The following ASPH variants were observed in gnomAD, a reference collection of about 807,000 sequenced individuals.
ASPH encodes aspartate beta-hydroxylase, also known as aspartyl/asparaginyl beta-hydroxylase.
In ASPH, 100 loss-of-function variants were observed where a neutral mutation model predicts 118.4. That is an observed-to-expected ratio of 0.84 (90% CI 0.72 to 1.00). The LOEUF is 1.00. ASPH is among the 50% of genes least tolerant of loss of function. The probability of loss-of-function intolerance (pLI) is 0.00; values close to 1 mark genes in which losing one functional copy is unlikely to be tolerated. For missense variants in ASPH, 920 were observed against 919.5 expected (o/e 1.00, Z -0.01); for synonymous variants, 315 against 325.6 (o/e 0.97, Z 0.35).
chr8:61,615,489 G>A (rs1005034212), intron 14 of ASPH, among the ~76,000 whole-genome samples: 14 of 152,124 alleles, frequency 9.2e-5, no homozygotes, highest in African/African-American at 3.4e-4. Flanking sequence ...AGTACAATGA[G>A]AGCTGCAACT....
At chr8:61,596,954 T>G (rs1485602108) in intron 14 of ASPH, among the ~76,000 whole-genome samples, 2 of 151,376 alleles carry the variant, frequency 1.3e-5, no homozygotes, top group Admixed American at 1.3e-4. Flanking sequence ...CTAAAGAAAC[T>G]CAGTGAGATA....
At chr8:61,662,717 G>A in intron 3 of ASPH, 2 of 397,730 alleles carry the variant, frequency 5.0e-6, no homozygotes, top group Non-Finnish European at 6.8e-6. Context: ...AATAAATCAA[G>A]TTCTAGTCTA....
At chr8:61,702,737 C>G (rs1315119326) in intron 1 of ASPH, among the ~76,000 whole-genome samples, 1 of 152,040 alleles carries the variant, frequency 6.6e-6, no homozygotes, top group East Asian at 1.9e-4. Context: ...TTAACTAATC[C>G]AATAATACTG....
In ASPH at chr8:61,625,087, T is replaced by C. The variant is rs1029706831; in HGVS notation, c.935-6068A>G. 1.3e-5 allele frequency: 13 copies of C among 985,660 alleles called. No homozygotes were observed. The African/African-American group carries it at 2.3e-4, about 17-fold the overall frequency. 61.1% of individuals were successfully genotyped at this position (985,660 alleles called of 1,614,324 possible). The stretch of plus-strand genomic sequence containing the variant: ...TAACAAAATCAAGAGCTACCCCTAA[T>C]ATATCGATCAAACCACTTCTTATGG... On this transcript the variant is annotated intron_variant, in intron 13 of 24. Coordinates refer to ENST00000379454, the MANE Select transcript of ASPH (RefSeq NM_004318.4).
chr8:61,681,405 T>C (rs767283838), intron 2 of ASPH, among the ~76,000 whole-genome samples: 1 of 151,810 alleles, frequency 6.6e-6, no homozygotes, highest in Non-Finnish European at 1.5e-5. Flanking sequence ...CCTAAGTCAC[T>C]TGAAATTTAA....
At chr8:61,705,096 T>TGGAGCTGGAGGCC (rs1836260784) in intron 1 of ASPH, among the ~76,000 whole-genome samples, 1 of 152,134 alleles carries the variant, frequency 6.6e-6, no homozygotes, top group Non-Finnish European at 1.5e-5. Flanking sequence ...AACTGTGCTA[T>TGGAGCTGGAGGCC]ACAACACGAA....
intron 5 of ASPH, among the ~76,000 whole-genome samples, chr8:61,647,692 T>A (rs554515696): frequency 8.6e-5 from 13 of 151,580 alleles, no homozygotes; most frequent in Admixed American, 5.2e-4. Context: ...ATAAATAAAT[T>A]AAATTAAATT....
chr8:61,548,204 T>G lies in ASPH; in HGVS notation c.1631A>C (p.Tyr544Ser). 6.2e-7 allele frequency: 1 copy of G among 1,612,910 alleles called. No homozygotes were observed. The highest frequency in any genetic ancestry group is 8.5e-7 in the Non-Finnish European group (1 of 1,179,372). Reference protein sequence around the residue: ...AMQRVGNKEAYKWYELGHKRG... With the variant: ...AMQRVGNKEASKWYELGHKRG... Reference sequence around the variant, plus strand: ...CTTGTGCCCAAGCTCATACCACTTATATGCCTGAAGGAACAGAAAGAATGT... The same window carrying G: ...CTTGTGCCCAAGCTCATACCACTTAGATGCCTGAAGGAACAGAAAGAATGT... The change falls in exon 21 of 25, where the codon TAT becomes TCT. Residue 544 changes from tyrosine to serine, a missense_variant. By Grantham distance (144) the Tyr-to-Ser change is moderately radical (BLOSUM62 -2). Transcript: ENST00000379454.
chr8:61,628,781 C>A (rs1321705709), intron 13 of ASPH, among the ~76,000 whole-genome samples: 1 of 152,146 alleles, frequency 6.6e-6, no homozygotes, highest in African/African-American at 2.4e-5. Flanking sequence ...TTTTACTCCA[C>A]CATGTACCCA....
chr8:61,701,084 A>G (rs1306335089), intron 1 of ASPH, among the ~76,000 whole-genome samples: 1 of 152,150 alleles, frequency 6.6e-6, no homozygotes, highest in East Asian at 1.9e-4. Flanking sequence ...CCCCATCCCC[A>G]GCCTCAGAGG....
At chr8:61,615,386 A>G (rs1010609339) in intron 14 of ASPH, among the ~76,000 whole-genome samples, 2 of 152,114 alleles carry the variant, frequency 1.3e-5, no homozygotes, top group African/African-American at 4.8e-5. Context: ...CCTGTCTTAT[A>G]TTCCTTTTCA....
intron 3 of ASPH, chr8:61,659,765 C>T (rs1002228106): frequency 6.6e-6 from 1 of 152,176 alleles, no homozygotes; most frequent in Non-Finnish European, 1.5e-5. Context: ...TACATATCAC[C>T]CATCCTTTAG....
chr8:61,636,346 T>C (rs11986004), intron 12 of ASPH, among the ~76,000 whole-genome samples: 72,263 of 152,000 alleles, frequency 0.48, 17,503 homozygotes, highest in Middle Eastern at 0.56. Context: ...AGGGAGTCTA[T>C]TAACAGGTCT....
In ASPH at chr8:61,516,399, G is replaced by A. The variant is rs555413083; in HGVS notation, c.2126+1129C>T. On this transcript the variant is annotated intron_variant, in intron 24 of 24. Coordinates refer to ENST00000379454, the MANE Select transcript of ASPH (RefSeq NM_004318.4). Reference sequence around the variant, plus strand: ...TTGCTAGGTGTCCTCAGAAGAGGACGGCCCCTTCTGAGTCATCTCTGAATT... The same window carrying A: ...TTGCTAGGTGTCCTCAGAAGAGGACAGCCCCTTCTGAGTCATCTCTGAATT... Among the ~76,000 whole-genome samples, 35 of 152,210 alleles carry A rather than the reference G, an allele frequency of 2.3e-4. No individual in the cohort carries two copies. The South Asian group carries it at 5.8e-3, about 25-fold the overall frequency.
At chr8:61,613,721 T>G (rs182949339) in intron 14 of ASPH, among the ~76,000 whole-genome samples, 1 of 152,218 alleles carries the variant, frequency 6.6e-6, no homozygotes. Context: ...GTGGAGCGAT[T>G]AGGAAGAGCA....
intron 10 of ASPH, among the ~76,000 whole-genome samples, chr8:61,639,410 T>C (rs150307340): frequency 3.6e-3 from 541 of 152,280 alleles, no homozygotes; most frequent in African/African-American, 0.012. Context: ...TCATTTGATA[T>C]GATGGACACT....
intron 17 of ASPH, among the ~76,000 whole-genome samples, chr8:61,564,119 A>G (rs890178464): frequency 1.3e-5 from 2 of 152,186 alleles, no homozygotes; most frequent in Non-Finnish European, 2.9e-5. Flanking sequence ...GAGGATGCCA[A>G]AAAAGTTCAT....
chr8:61,557,249 A>G (rs1329921287), intron 18 of ASPH, among the ~76,000 whole-genome samples: 2 of 152,012 alleles, frequency 1.3e-5, no homozygotes, highest in African/African-American at 4.8e-5. Context: ...ACTCAGAGTG[A>G]GTGCAAGATA....
intron 3 of ASPH, chr8:61,663,121 G>C (rs1817767197): frequency 1.0e-6 from 1 of 985,320 alleles, no homozygotes. Context: ...ATCTAACACG[G>C]GGATATGGTT....
Sources: allele counts gnomAD v4.1 joint callset (sites outside exome capture counted in the v4.1 genomes callset), GRCh38; gene constraint gnomAD v4.1.1; transcripts MANE v1.5; gene names NCBI Gene and HGNC (gene_info 2026-07-23, HGNC 2026-07-21).